Variants in TEAD1 observed in about 807,000 individuals in gnomAD.
TEAD1 encodes the protein TEA domain transcription factor 1.
In TEAD1, 9 loss-of-function variants were observed where a neutral mutation model predicts 54.9. The observed-to-expected ratio is 0.16, with a 90% CI of 0.10 to 0.29. The LOEUF (loss-of-function observed/expected upper bound fraction) is 0.29, where lower values mean the gene tolerates loss of function less well. Among genes scored for constraint, TEAD1 ranks in the 10% least tolerant of loss-of-function variants. The pLI is 1.00. For missense variants in TEAD1, 387 were observed against 535.9 expected, an observed-to-expected ratio of 0.72 and a Z score of 2.74; for synonymous variants, 200 against 187.8, an observed-to-expected ratio of 1.07 and a Z score of -0.53.
rs1948003524 is a variant in TEAD1, at chr11:12,883,102, G to A, written c.676G>A (p.Glu226Lys). The stretch of plus-strand genomic sequence containing the variant: ...CCTGGTGGAATTTTCAGCTTTTCTC[G>A]AGCAGCAGCGAGACCCAGACTCGGT... The change falls in exon 9 of 13, where the codon GAG becomes AAG. Residue 226 changes from glutamate to lysine, a missense_variant. Glu to Lys is a moderately conservative substitution (Grantham distance 56, BLOSUM62 1). Transcript: ENST00000527636. The A allele has an allele frequency of 1.2e-6, 2 of 1,614,146 alleles. No individual in the cohort carries two copies. The highest frequency in any genetic ancestry group is 1.7e-6 in the Non-Finnish European group (2 of 1,180,036).
chr11:12,871,880 A>T (rs985412131), intron 5 of TEAD1, among the ~76,000 whole-genome samples: 2 of 152,180 alleles, frequency 1.3e-5, no homozygotes, highest in African/African-American at 4.8e-5. Flanking sequence ...TGTGTATTGA[A>T]GAAAAACCTG....
chr11:12,904,877 G>A (rs886989244), intron 10 of TEAD1: 4 of 357,758 alleles, frequency 1.1e-5, no homozygotes, highest in South Asian at 7.3e-5. Flanking sequence ...CACCTGTTAC[G>A]GCAAATTCAA....
chr11:12,890,808 A>G (rs150032404), intron 9 of TEAD1, among the ~76,000 whole-genome samples: 2,878 of 152,344 alleles, frequency 0.019, 53 homozygotes, highest in Non-Finnish European at 0.032. Flanking sequence ...TTCGTCGCCC[A>G]GGCTGGAGTA....
chr11:12,898,114 C>T (rs977831874), intron 9 of TEAD1, among the ~76,000 whole-genome samples: 5 of 152,164 alleles, frequency 3.3e-5, no homozygotes, highest in African/African-American at 7.2e-5. Context: ...TTGCTCACAG[C>T]GCCCAGTGGA....
rs1055982051 is a variant in TEAD1 at position 12,943,152 on chromosome 11, T to C, written c.*5930T>C. On this transcript the variant is annotated 3_prime_UTR_variant, in exon 13 of 13. Coordinates refer to ENST00000527636, the MANE Select transcript of TEAD1 (RefSeq NM_021961.6). ...TCTGAAATTTTAGGAGTGATTCTTATCCACTCCAAGTTGTAAGTATTTGTA... is the reference window on the plus strand; with the variant it reads ...TCTGAAATTTTAGGAGTGATTCTTACCCACTCCAAGTTGTAAGTATTTGTA... 2.6e-5 allele frequency: 4 copies of C among 152,222 alleles called. No homozygotes were observed. The highest frequency in any genetic ancestry group is 5.9e-5 in the Non-Finnish European group (4 of 68,046). 9.4% of individuals were successfully genotyped at this position (152,222 alleles called of 1,614,324 possible). A position where few individuals can be genotyped will look rare whatever the true frequency, so the allele number is the denominator to read the frequency against.
intron 3 of TEAD1, among the ~76,000 whole-genome samples, chr11:12,857,594 G>GTGTGTGTT (rs1466712027): frequency 3.3e-5 from 5 of 151,658 alleles, no homozygotes; most frequent in African/African-American, 1.2e-4. Context: ...GTGTGTGTGT[G>GTGTGTGTT]TGTGTGTGTG....
intron 8 of TEAD1, among the ~76,000 whole-genome samples, chr11:12,882,357 G>T (rs1947990540): frequency 6.6e-6 from 1 of 152,098 alleles, no homozygotes; most frequent in Non-Finnish European, 1.5e-5. Context: ...TTCTTTAAAG[G>T]AGAGAGTACA....
At chr11:12,929,470 A>G (rs1399688059) in intron 11 of TEAD1, among the ~76,000 whole-genome samples, 1 of 149,334 alleles carries the variant, frequency 6.7e-6, no homozygotes, top group Non-Finnish European at 1.5e-5. Flanking sequence ...TATTCTGTAA[A>G]TTTTTACCTT....
intron 3 of TEAD1, among the ~76,000 whole-genome samples, chr11:12,820,025 G>T (rs1044605805): frequency 6.7e-6 from 1 of 149,010 alleles, no homozygotes; most frequent in Non-Finnish European, 1.5e-5. Context: ...AGGGCCTGGG[G>T]CAGGGAGTTG....
At chr11:12,722,100 G>C (rs1052267736) in intron 2 of TEAD1, among the ~76,000 whole-genome samples, 19 of 152,232 alleles carry the variant, frequency 1.2e-4, no homozygotes, top group African/African-American at 4.1e-4. Context: ...GGATGAAACA[G>C]TGTCATATTC....
chr11:12,823,060 G>C (rs1946584581), intron 3 of TEAD1, among the ~76,000 whole-genome samples: 1 of 152,054 alleles, frequency 6.6e-6, no homozygotes, highest in South Asian at 2.1e-4. Flanking sequence ...ATTTTTACTT[G>C]TCTTGCAGTT....
intron 3 of TEAD1, among the ~76,000 whole-genome samples, chr11:12,840,694 A>T (rs1435186589): frequency 6.6e-6 from 1 of 152,194 alleles, no homozygotes; most frequent in Non-Finnish European, 1.5e-5. Flanking sequence ...CATTCCTATC[A>T]GAAGCCTCTC....
intron 2 of TEAD1, among the ~76,000 whole-genome samples, chr11:12,721,554 A>AT (rs1944199784): frequency 6.6e-6 from 1 of 152,172 alleles, no homozygotes; most frequent in Admixed American, 6.5e-5. Context: ...TTGGATGTAG[A>AT]TACTCTCTGT....
chr11:12,793,860 C>T (rs1269973902), intron 3 of TEAD1, among the ~76,000 whole-genome samples: 1 of 152,192 alleles, frequency 6.6e-6, no homozygotes. Context: ...GATCTGACTC[C>T]AGTTGTTCAA....
At chr11:12,748,898 G>A (rs1944807332) in intron 2 of TEAD1, among the ~76,000 whole-genome samples, 1 of 152,046 alleles carries the variant, frequency 6.6e-6, no homozygotes, top group Non-Finnish European at 1.5e-5. Flanking sequence ...GACGTTCTTG[G>A]TGATCATTTA....
chr11:12,754,756 T>TA (rs1419848585), intron 2 of TEAD1, among the ~76,000 whole-genome samples: 1 of 152,182 alleles, frequency 6.6e-6, no homozygotes, highest in Non-Finnish European at 1.5e-5. Flanking sequence ...TTTAGCTCTT[T>TA]AAAATGCCAT....
intron 2 of TEAD1, among the ~76,000 whole-genome samples, chr11:12,763,659 T>C (rs1407640485): frequency 2.0e-5 from 3 of 152,248 alleles, no homozygotes; most frequent in Non-Finnish European, 2.9e-5. Flanking sequence ...TTCCGAGTTA[T>C]GATGCCACTT....
At chr11:12,777,191 C>A (rs999413345) in intron 3 of TEAD1, among the ~76,000 whole-genome samples, 6 of 152,058 alleles carry the variant, frequency 3.9e-5, no homozygotes, top group Non-Finnish European at 8.8e-5. Flanking sequence ...AAACCTGCTG[C>A]CCAGGATGTT....
At chr11:12,924,763 G>A (rs1014459478) in intron 10 of TEAD1, 149 bp from the exon 11 acceptor site, 7 of 889,820 alleles carry the variant, frequency 7.9e-6, no homozygotes, top group Non-Finnish European at 1.3e-5. Context: ...ACGACAGATG[G>A]GTATTGAACT....
Sources: gnomAD v4.1 joint callset for allele counts (sites outside exome capture counted in the v4.1 genomes callset) on GRCh38, gnomAD v4.1.1 for gene constraint, MANE v1.5 for transcripts, NCBI Gene and HGNC (gene_info 2026-07-23, HGNC 2026-07-21) for gene names.